HIPK3: variants seen among roughly 807,000 people sequenced by gnomAD.
HIPK3 encodes the protein homeodomain-interacting protein kinase 3.
HIPK3 carries 47 observed loss-of-function variants against 124.2 expected under a neutral mutation model. The ratio of observed to expected loss-of-function variants is 0.38; its 90% CI spans 0.30 to 0.48. The LOEUF (loss-of-function observed/expected upper bound fraction) is 0.48. HIPK3 is among the 20% of genes least tolerant of loss of function. The pLI is 0.98. For synonymous variants in HIPK3, 482 were observed against 515.2 expected (o/e 0.94, Z 0.87); for missense variants, 1,286 against 1,454.3 (o/e 0.88, Z 1.88).
At chr11:33,288,784 A>C (rs974167613) in intron 2 of HIPK3, among the ~76,000 whole-genome samples, 1 of 152,360 alleles carries the variant, frequency 6.6e-6, no homozygotes, top group East Asian at 1.9e-4. Flanking sequence ...TTATTTTCAT[A>C]TAAGCCTGAG....
intron 2 of HIPK3, among the ~76,000 whole-genome samples, chr11:33,326,901 G>A (rs1852827797): frequency 6.6e-6 from 1 of 151,998 alleles, no homozygotes; most frequent in African/African-American, 2.4e-5. Flanking sequence ...GGCTGATCTG[G>A]AACTCTTGGG....
chr11:33,281,740 CT>C (rs1590353264), intron 1 of HIPK3, among the ~76,000 whole-genome samples: 3 of 151,986 alleles, frequency 2.0e-5, no homozygotes, highest in Non-Finnish European at 4.4e-5. Context: ...TGAAATCTTG[CT>C]TTTTTTCAGG....
rs567199616 is a variant in HIPK3, at chr11:33,293,217, A to G, written c.1097+5706A>G. Among the ~76,000 whole-genome samples the G allele has an allele frequency of 3.3e-4, 51 of 152,324 alleles. No homozygotes were observed. The South Asian group carries it at 0.01, about 31-fold the overall frequency. On this transcript the variant is annotated intron_variant, in intron 2 of 16. Coordinates refer to ENST00000303296, the MANE Select transcript of HIPK3 (RefSeq NM_005734.5). ...TTTTTAAAAACAGCTTTATTGAGATATAATCTACATACCTTGAAATTCATT... is the reference window on the plus strand; with the variant it reads ...TTTTTAAAAACAGCTTTATTGAGATGTAATCTACATACCTTGAAATTCATT...
In HIPK3 at chr11:33,352,172, T is replaced by C. The variant is rs1283095659; in HGVS notation, c.3078T>C (p.Ser1026=). ...SICQPLIKGR[S]APGRLNQPSA... ...GCCAGCCATTAATAAAAGGACGATC[T>C]GCCCCTGGAAGATTAAACCAGCCTT... Residue 1026 remains serine, a synonymous_variant, in exon 16 of 17, where the codon TCT becomes TCC. Coordinates refer to ENST00000303296, the MANE Select transcript of HIPK3 (RefSeq NM_005734.5). 2 of 1,613,686 alleles carry C rather than the reference T, an allele frequency of 1.2e-6. No individual in the cohort carries two copies. Among genetic ancestry groups the C allele is most frequent in the African/African-American group, 1.3e-5 (1 of 74,928 alleles).
At chr11:33,299,087 T>G (rs1851919460) in intron 2 of HIPK3, among the ~76,000 whole-genome samples, 1 of 151,712 alleles carries the variant, frequency 6.6e-6, no homozygotes, top group Non-Finnish European at 1.5e-5. Flanking sequence ...CCTCAAGTGA[T>G]CTACCTGCCT....
chr11:33,288,486 C>T (rs973924871), intron 2 of HIPK3, among the ~76,000 whole-genome samples: 1 of 152,118 alleles, frequency 6.6e-6, no homozygotes, highest in African/African-American at 2.4e-5. Context: ...AAATATACTT[C>T]TTTGGCTCCC....
intron 2 of HIPK3, among the ~76,000 whole-genome samples, chr11:33,294,142 A>G (rs1351029088): frequency 3.7e-5 from 5 of 134,970 alleles, no homozygotes; most frequent in African/African-American, 1.4e-4. Flanking sequence ...CAACAGAGCG[A>G]GACTCCATCT....
At chr11:33,267,606 C>T (rs1002857154) in intron 1 of HIPK3, among the ~76,000 whole-genome samples, 5 of 151,576 alleles carry the variant, frequency 3.3e-5, no homozygotes, top group East Asian at 1.9e-4. Context: ...CGCCCTTCTC[C>T]CGCCTTGGCC....
In HIPK3 at chr11:33,348,577, A is replaced by T; in HGVS notation, c.2425A>T (p.Ile809Leu). 1 of 1,613,456 alleles carries T rather than the reference A, an allele frequency of 6.2e-7. No homozygotes were observed. The highest frequency in any genetic ancestry group is 8.5e-7 in the Non-Finnish European group (1 of 1,179,360). ...IPHSAFISPK[I>L]INGKDVEEVS... ...ACATTCAGCATTTATTTCTCCAAAG[A>T]TAATTAATGGGAAAGATGTCGAGGA... The change falls in exon 13 of 17, where the codon ATA becomes TTA. Residue 809 changes from isoleucine (I) to leucine (L), a missense_variant. Physicochemically the swap from Ile to Leu is conservative, Grantham distance 5. Transcript: ENST00000303296.
chr11:33,285,413 G>A (rs1391571791), intron 1 of HIPK3, among the ~76,000 whole-genome samples: 1 of 152,080 alleles, frequency 6.6e-6, no homozygotes. Flanking sequence ...TAACTGGGTA[G>A]AAAGTCATTA....
chr11:33,282,492 G>A (rs1415627454), intron 1 of HIPK3, among the ~76,000 whole-genome samples: 1 of 152,154 alleles, frequency 6.6e-6, no homozygotes, highest in East Asian at 1.9e-4. Context: ...GACCAGCTTG[G>A]CCAACATGAC....
At chr11:33,279,607 G>T (rs1303916106) in intron 1 of HIPK3, among the ~76,000 whole-genome samples, 5 of 152,158 alleles carry the variant, frequency 3.3e-5, no homozygotes, top group Non-Finnish European at 7.3e-5. Flanking sequence ...ATAAAAAGAT[G>T]TGAACAGTTT....
At chr11:33,332,730 C>G (rs1322801516) in intron 3 of HIPK3, among the ~76,000 whole-genome samples, 1 of 152,180 alleles carries the variant, frequency 6.6e-6, no homozygotes, top group Non-Finnish European at 1.5e-5. Context: ...GAGACCCACA[C>G]AAGCTGGCCC....
intron 2 of HIPK3, among the ~76,000 whole-genome samples, chr11:33,322,562 A>G (rs1490602752): frequency 2.6e-5 from 4 of 152,202 alleles, no homozygotes; most frequent in African/African-American, 9.6e-5. Flanking sequence ...CCAAGGGCTC[A>G]CACCTGTAAT....
At chr11:33,310,906 A>C (rs1852316937) in intron 2 of HIPK3, among the ~76,000 whole-genome samples, 1 of 152,200 alleles carries the variant, frequency 6.6e-6, no homozygotes. Flanking sequence ...CTAGTAGTTC[A>C]GCCCTTTGTG....
chr11:33,339,575 A>C, intron 6 of HIPK3, 41 bp downstream of exon 6: 2 of 1,372,150 alleles, frequency 1.5e-6, no homozygotes, highest in Non-Finnish European at 2.0e-6. Flanking sequence ...TCTAAAAAAA[A>C]ATAAGTCTGT....
At chr11:33,283,394 C>T (rs190835256) in intron 1 of HIPK3, among the ~76,000 whole-genome samples, 1 of 151,728 alleles carries the variant, frequency 6.6e-6, no homozygotes, top group East Asian at 2.0e-4. Flanking sequence ...ACAGGCGTGA[C>T]CCACCGCGCC....
rs372750152 is a variant in HIPK3, at chr11:33,271,945, C to T, written c.-3+14056C>T. Among the ~76,000 whole-genome samples the T allele has an allele frequency of 1.1e-3, 171 of 152,234 alleles. 5 individuals carry two copies. The South Asian group carries it at 0.033, about 30-fold the overall frequency. On this transcript the variant is annotated intron_variant, in intron 1 of 16. Transcript: ENST00000303296. Reference sequence around the variant, plus strand: ...AGAAAAAATCTGTTTTTCTATGACACTTTCAGTGGAAGAAAAATAAATATG... The same window carrying T: ...AGAAAAAATCTGTTTTTCTATGACATTTTCAGTGGAAGAAAAATAAATATG...
intron 1 of HIPK3, among the ~76,000 whole-genome samples, chr11:33,261,027 CTTTT>C (rs758508134): frequency 6.7e-6 from 1 of 150,142 alleles, no homozygotes; most frequent in African/African-American, 2.4e-5. Flanking sequence ...TAGTATTTCT[CTTTT>C]TTAACTTGCT....
Sources: gnomAD v4.1 joint callset for allele counts (sites outside exome capture counted in the v4.1 genomes callset) on GRCh38, gnomAD v4.1.1 for gene constraint, MANE v1.5 for transcripts, NCBI Gene and HGNC (gene_info 2026-07-23, HGNC 2026-07-21) for gene names.